The following DAB1 variants were observed in gnomAD, a reference collection of about 807,000 sequenced individuals.
The protein encoded by DAB1 is DAB adaptor protein 1, also known as disabled homolog 1.
Under a neutral mutation model 64.6 loss-of-function variants are expected in DAB1, and 15 were observed. The ratio of observed to expected loss-of-function variants is 0.23; its 90% CI spans 0.16 to 0.36. DAB1 has a LOEUF of 0.36. DAB1 is among the 10% of genes least tolerant of loss of function. DAB1 has a pLI of 1.00. For missense variants in DAB1, 596 were observed against 706.7 expected (o/e 0.84, Z 1.78); for synonymous variants, 235 against 251.9 (o/e 0.93, Z 0.64).
At chr1:58,536,770 T>C in intron 1 of DAB1, 1 of 860,882 alleles carries the variant, frequency 1.2e-6, no homozygotes, top group Non-Finnish European at 2.0e-6. Context: ...TTCAAAGTTC[T>C]GAAAATCATT....
rs545743407 is a variant in DAB1, at chr1:57,461,943, CTTTTT to C, written n.626-170782_626-170778del. The stretch of plus-strand genomic sequence containing the variant: ...GAATACATAAAGGATAAGATATACT[CTTTTT>C]TTTTTTTTTTTTTTTTTTTTTTTAC... On this transcript the variant is annotated intron_variant and non_coding_transcript_variant, in intron 7 of 20. Transcript: ENST00000485760. Among the ~76,000 whole-genome samples the C allele has an allele frequency of 3.9e-4, 39 of 100,338 alleles. No homozygotes were observed. In the East Asian group the frequency reaches 7.6e-3, roughly 20 times the overall value. The allele number at this position is 100,338 out of a possible 152,430, so 65.8% of individuals were successfully genotyped here.
intron 14 of DAB1, among the ~76,000 whole-genome samples, chr1:56,999,655 T>C (rs568429415): frequency 6.8e-4 from 103 of 152,276 alleles, no homozygotes; most frequent in Non-Finnish European, 1.1e-3. Context: ...GAAGATAAGG[T>C]TGTACTGGCC....
chr1:58,037,928 A>G (rs562193051), intron 5 of DAB1, among the ~76,000 whole-genome samples: 38 of 152,212 alleles, frequency 2.5e-4, no homozygotes, highest in Admixed American at 9.8e-4. Context: ...AATGGCCCTG[A>G]ATGACTCCTT....
At position 57,998,389 on chromosome 1, in the gene DAB1, C is replaced by CTT. The variant is rs3991037; in HGVS notation, n.388-114229_388-114228dup. On this transcript the variant is annotated intron_variant and non_coding_transcript_variant, in intron 5 of 20. Transcript: ENST00000485760. Reference sequence around the variant, plus strand: ...CTGAGTCCTCATCTTTTTTTTCTCTCTTTTTTTTTTTTTTTTTTTGAGACA... The same window carrying CTT: ...CTGAGTCCTCATCTTTTTTTTCTCTCTTTTTTTTTTTTTTTTTTTTTGAGACA... 1.5e-3 allele frequency among the ~76,000 whole-genome samples: 189 copies of CTT among 128,744 alleles called. 1 individual carries two copies. The highest frequency in any genetic ancestry group is 4.1e-3 in the Middle Eastern group (1 of 244). The allele number at this position is 128,744 out of a possible 152,430, so 84.5% of individuals were successfully genotyped here.
At chr1:57,318,731 CAAAAAAAAAAA>C (rs10522783) in intron 1 of DAB1, among the ~76,000 whole-genome samples, 1 of 116,948 alleles carries the variant, frequency 8.6e-6, no homozygotes, top group Non-Finnish European at 1.8e-5. Context: ...CGGTAATTTG[CAAAAAAAAAAA>C]AAAAAAAAAA....
At chr1:57,589,142 C>T (rs6681257) in intron 7 of DAB1, among the ~76,000 whole-genome samples, 31,550 of 152,072 alleles carry the variant, frequency 0.21, 4,163 homozygotes, top group Middle Eastern at 0.31. Flanking sequence ...TTGCTTGAAC[C>T]TGGGGGTGTG....
intron 1 of DAB1, among the ~76,000 whole-genome samples, chr1:57,310,579 G>T (rs1204455122): frequency 1.3e-5 from 2 of 152,126 alleles, no homozygotes; most frequent in Non-Finnish European, 1.5e-5. Context: ...TTCCGGGCTG[G>T]CTTCTCCAAT....
intron 1 of DAB1, among the ~76,000 whole-genome samples, chr1:57,359,409 T>G (rs973571562): frequency 7.9e-5 from 12 of 151,996 alleles, no homozygotes; most frequent in Non-Finnish European, 1.5e-5. Flanking sequence ...CTACCCCAGT[T>G]AGAATGTCTG....
chr1:57,155,268 T>C (rs1256735678), intron 2 of DAB1, among the ~76,000 whole-genome samples: 1 of 152,210 alleles, frequency 6.6e-6, no homozygotes, highest in Non-Finnish European at 1.5e-5. Context: ...CTCAGCACCA[T>C]TTATTAGAGA....
chr1:58,532,049 T>C (rs1646442428), intron 1 of DAB1, among the ~76,000 whole-genome samples: 1 of 152,058 alleles, frequency 6.6e-6, no homozygotes, highest in South Asian at 2.1e-4. Flanking sequence ...AAACTCAAAA[T>C]AAGGAAGTTG....
chr1:57,333,749 A>G (rs1001706609), intron 1 of DAB1, among the ~76,000 whole-genome samples: 1 of 152,222 alleles, frequency 6.6e-6, no homozygotes, highest in Admixed American at 6.5e-5. Context: ...AGTAATATCT[A>G]TTAACTGCTT....
intron 4 of DAB1, among the ~76,000 whole-genome samples, chr1:57,073,349 T>C (rs1651683759): frequency 1.3e-5 from 2 of 152,214 alleles, no homozygotes; most frequent in African/African-American, 4.8e-5. Flanking sequence ...CCTATAGTTG[T>C]TGAACTAAAG....
chr1:57,999,563 G>A (rs988321898), intron 5 of DAB1, among the ~76,000 whole-genome samples: 3 of 152,158 alleles, frequency 2.0e-5, no homozygotes, highest in African/African-American at 7.2e-5. Flanking sequence ...GAGCAATTCT[G>A]CCCCCAGCAG....
chr1:58,317,610 A>G (rs1381693880), intron 4 of DAB1, among the ~76,000 whole-genome samples: 1 of 152,172 alleles, frequency 6.6e-6, no homozygotes, highest in Non-Finnish European at 1.5e-5. Context: ...CACAGATGCA[A>G]CCCGAAGGAA....
chr1:57,251,597 A>G (rs1304273465), intron 2 of DAB1, among the ~76,000 whole-genome samples: 1 of 152,220 alleles, frequency 6.6e-6, no homozygotes, highest in African/African-American at 2.4e-5. Context: ...AGACATCATT[A>G]GACAGGGCTT....
chr1:57,092,069 C>G (rs1397128068), intron 4 of DAB1, among the ~76,000 whole-genome samples: 1 of 152,224 alleles, frequency 6.6e-6, no homozygotes, highest in Admixed American at 6.5e-5. Context: ...AATGAAGTCT[C>G]TCTGTCCTGG....
intron 9 of DAB1, among the ~76,000 whole-genome samples, chr1:57,058,604 C>T (rs1206589167): frequency 6.6e-6 from 1 of 152,162 alleles, no homozygotes; most frequent in Non-Finnish European, 1.5e-5. Flanking sequence ...TGCAACAAAA[C>T]ATTTAGTAAG....
Position 57,169,525 on chromosome 1 carries a change from CA to C in DAB1, c.68-24097del, listed in dbSNP as rs1661528800. On this transcript the variant is annotated intron_variant, in intron 2 of 14. Transcript: ENST00000371236. ...TTAACCATTAACAAGATACTGTTGA[CA>C]AAGATTCTTTGCTTAGCCATGCTTT... Among the ~76,000 whole-genome samples the C allele has an allele frequency of 2.0e-5, 3 of 152,326 alleles. No homozygotes were observed. The South Asian group carries it at 6.2e-4, about 32-fold the overall frequency.
intron 6 of DAB1, among the ~76,000 whole-genome samples, chr1:57,756,593 G>C (rs1648818256): frequency 6.6e-6 from 1 of 152,042 alleles, no homozygotes; most frequent in Non-Finnish European, 1.5e-5. Flanking sequence ...GATCATTAAG[G>C]TCACCTTGAG....
Sources: allele counts gnomAD v4.1 joint callset (sites outside exome capture counted in the v4.1 genomes callset), GRCh38; gene constraint gnomAD v4.1.1; transcripts MANE v1.5; gene names NCBI Gene and HGNC (gene_info 2026-07-23, HGNC 2026-07-21).